The following NANP variants were observed in gnomAD, a reference collection of about 807,000 sequenced individuals.
NANP encodes the protein N-acetylneuraminic acid phosphatase.
Under a neutral mutation model 16.9 loss-of-function variants are expected in NANP, and 15 were observed. The ratio of observed to expected loss-of-function variants is 0.89; its 90% CI spans 0.59 to 1.37. NANP has a LOEUF of 1.37. Ranked by LOEUF, NANP falls within the 40% of genes most tolerant of loss-of-function variation. The probability of loss-of-function intolerance (pLI) is 0.00; values close to 1 mark genes in which losing one functional copy is unlikely to be tolerated. For missense variants in NANP, 290 were observed against 303.5 expected (o/e 0.96, Z 0.33); for synonymous variants, 135 against 112.6 (o/e 1.20, Z -1.26).
At chr20:25,616,616 C>T in intron 1 of NANP, 35 bp from the exon 2 acceptor site, 1 of 1,493,384 alleles carries the variant, frequency 6.7e-7, no homozygotes, top group South Asian at 1.3e-5. Flanking sequence ...TAACACATTG[C>T]ATGTCTTTAG....
chr20:25,621,578 G>A (rs2065364326), intron 1 of NANP, among the ~76,000 whole-genome samples: 2 of 152,050 alleles, frequency 1.3e-5, no homozygotes, highest in Non-Finnish European at 2.9e-5. Context: ...TTTTTGAGAC[G>A]GAGTCTGGCT....
Position 25,623,904 on chromosome 20 carries a change from G to T in NANP, c.45C>A (p.Asn15Lys), listed in dbSNP as rs371699917. 10 of 1,613,612 alleles carry T rather than the reference G, an allele frequency of 6.2e-6. No homozygotes were observed. Among genetic ancestry groups the T allele is most frequent in the Non-Finnish European group, 5.1e-6 (6 of 1,179,746 alleles). ...RVRAVFFDLD[N>K]TLIDTAGASR... ...TCGCCCCGGCCGTGTCGATGAGAGT[G>T]TTGTCCAAGTCAAAGAAAACCGCCC... Residue 15 changes from asparagine to lysine, a missense_variant, in exon 1 of 2, where the codon AAC becomes AAA. Physicochemically the swap from Asn to Lys is moderately conservative, Grantham distance 94. Coordinates refer to ENST00000304788, the MANE Select transcript of NANP (RefSeq NM_152667.3).
chr20:25,623,786 G>A (rs1600399868), intron 1 of NANP, 73 bp downstream of exon 1: 1 of 1,391,494 alleles, frequency 7.2e-7, no homozygotes, highest in Non-Finnish European at 9.9e-7. Flanking sequence ...TGGGGTCAAG[G>A]GGAGGTGAGC....
intron 1 of NANP, among the ~76,000 whole-genome samples, chr20:25,621,056 AG>A (rs1444440144): frequency 6.6e-6 from 1 of 152,142 alleles, no homozygotes; most frequent in Admixed American, 6.6e-5. Context: ...TGAAATCAAT[AG>A]GGATCCAGCA....
At position 25,616,600 on chromosome 20, in the gene NANP, C is replaced by G. The variant is rs6050712; in HGVS notation, c.91-19G>C. On this transcript the variant is annotated intron_variant, in intron 1 of 1. Transcript: ENST00000304788. The stretch of plus-strand genomic sequence containing the variant: ...TTATCACCTAAATAATGGAAAATAA[C>G]TCCATTAACACATTGCATGTCTTTA... The G allele has an allele frequency of 0.064, 98,875 of 1,534,664 alleles. 9,536 individuals are homozygous for G. Among genetic ancestry groups the G allele is most frequent in the African/African-American group, 0.45 (33,125 of 72,828 alleles).
In NANP at chr20:25,616,023, G is replaced by A. The variant is rs768227845; in HGVS notation, c.649C>T (p.Leu217=). ...VWINKNGIVP[L]KSSPVPHYMV... ...TAATGCGGAACTGGGGAGGACTTCA[G>A]TGGCACTATTCCATTTTTATTGATC... Residue 217 remains leucine, a synonymous_variant, in exon 2 of 2, where the codon CTG becomes TTG. Coordinates refer to ENST00000304788, the MANE Select transcript of NANP (RefSeq NM_152667.3). 5.6e-6 allele frequency: 9 copies of A among 1,614,226 alleles called. No homozygotes were observed. The highest frequency in any genetic ancestry group is 6.8e-6 in the Non-Finnish European group (8 of 1,180,028).
At chr20:25,620,203 G>C (rs1361429353) in intron 1 of NANP, among the ~76,000 whole-genome samples, 1 of 152,134 alleles carries the variant, frequency 6.6e-6, no homozygotes, top group Non-Finnish European at 1.5e-5. Flanking sequence ...TGGGAGTATT[G>C]ATTGAATTGG....
rs1208898803 is a variant in NANP at position 25,613,956 on chromosome 20, G to A, written c.*1969C>T. On this transcript the variant is annotated 3_prime_UTR_variant, in exon 2 of 2. Coordinates refer to ENST00000304788, the MANE Select transcript of NANP (RefSeq NM_152667.3). The stretch of plus-strand genomic sequence containing the variant: ...CCAATCTATCAGAGCAATCATGCAT[G>A]TGACTACTTCTGCCAAAATCCTCCA... The A allele has an allele frequency of 2.5e-6, 1 of 397,634 alleles. No homozygotes were observed. The highest frequency in any genetic ancestry group is 4.4e-6 in the Non-Finnish European group (1 of 225,658). 24.6% of individuals were successfully genotyped at this position (397,634 alleles called of 1,614,324 possible). A position where few individuals can be genotyped will look rare whatever the true frequency, so the allele number is the denominator to read the frequency against.
chr20:25,615,856 C>T lies in NANP; in HGVS notation c.*69G>A. 8 of 1,402,882 alleles carry T rather than the reference C, an allele frequency of 5.7e-6. No homozygotes were observed. The highest frequency in any genetic ancestry group is 7.8e-6 in the Non-Finnish European group (8 of 1,030,794). The allele number at this position is 1,402,882 out of a possible 1,614,324, so 86.9% of individuals were successfully genotyped here. On this transcript the variant is annotated 3_prime_UTR_variant, in exon 2 of 2. Transcript: ENST00000304788. ...GAGCTGGATTATCATAAGTGGAGTG[C>T]CCTAACTTTTCTTATTTCATACTCA...
chr20:25,622,510 T>C lies in NANP; in HGVS notation c.90+1349A>G, dbSNP rs758007410. Among the ~76,000 whole-genome samples, 10 of 152,198 alleles carry C rather than the reference T, an allele frequency of 6.6e-5. 1 individual carries two copies. The highest frequency in any genetic ancestry group is 1.3e-4 in the Non-Finnish European group (9 of 68,034). On this transcript the variant is annotated intron_variant, in intron 1 of 1. Transcript: ENST00000304788. Reference sequence around the variant, plus strand: ...GATTTTAAAGCCCAAACTCTGGGCCTACAGCAAGAATTGGCCTAAAGCAAT... The same window carrying C: ...GATTTTAAAGCCCAAACTCTGGGCCCACAGCAAGAATTGGCCTAAAGCAAT...
intron 1 of NANP, among the ~76,000 whole-genome samples, chr20:25,621,261 T>C (rs1234861300): frequency 6.6e-6 from 1 of 152,222 alleles, no homozygotes; most frequent in East Asian, 1.9e-4. Context: ...TTACCCTCTC[T>C]GCTTTTTCTA....
Position 25,614,569 on chromosome 20 carries a change from A to C in NANP, c.*1356T>G, listed in dbSNP as rs569484183. Reference sequence around the variant, plus strand: ...TGAATTAGATATAGAAATTTGCAAAACAATGATATATTTCCAAGAATGTGA... The same window carrying C: ...TGAATTAGATATAGAAATTTGCAAACCAATGATATATTTCCAAGAATGTGA... On this transcript the variant is annotated 3_prime_UTR_variant, in exon 2 of 2. Coordinates refer to ENST00000304788, the MANE Select transcript of NANP (RefSeq NM_152667.3). 111 of 152,310 alleles carry C rather than the reference A, an allele frequency of 7.3e-4. No homozygotes were observed. Among genetic ancestry groups the C allele is most frequent in the African/African-American group, 2.6e-3 (107 of 41,564 alleles). The allele number at this position is 152,310 out of a possible 1,614,324, so 9.4% of individuals were successfully genotyped here.
chr20:25,621,104 C>T (rs2065362866), intron 1 of NANP, among the ~76,000 whole-genome samples: 1 of 152,084 alleles, frequency 6.6e-6, no homozygotes, highest in South Asian at 2.1e-4. Flanking sequence ...AAACTATTAA[C>T]AATTTTAAAA....
intron 1 of NANP, among the ~76,000 whole-genome samples, chr20:25,618,481 A>G (rs1012862959): frequency 6.6e-6 from 1 of 152,184 alleles, no homozygotes; most frequent in Non-Finnish European, 1.5e-5. Flanking sequence ...CTGTTCACAG[A>G]TAGTTTGTGA....
Position 25,613,485 on chromosome 20 carries a change from G to T in NANP, c.*2440C>A, listed in dbSNP as rs2065330131. The T allele has an allele frequency of 5.3e-6, 1 of 186,974 alleles. No individual in the cohort carries two copies. Among genetic ancestry groups the T allele is most frequent in the African/African-American group, 2.3e-5 (1 of 42,878 alleles). 11.6% of individuals were successfully genotyped at this position (186,974 alleles called of 1,614,324 possible). A position where few individuals can be genotyped will look rare whatever the true frequency, so the allele number is the denominator to read the frequency against. On this transcript the variant is annotated 3_prime_UTR_variant, in exon 2 of 2. Coordinates refer to ENST00000304788, the MANE Select transcript of NANP (RefSeq NM_152667.3). The stretch of plus-strand genomic sequence containing the variant: ...AGGGAGGGCCTCTGGCTTTGTGTGA[G>T]AAGGCCACTACAGGGAAACTTTGAA...
In NANP at chr20:25,616,419, C is replaced by CAA; in HGVS notation, c.252_253insTT (p.Gly85LeufsTer25). 2 of 1,614,150 alleles carry CAA rather than the reference C, an allele frequency of 1.2e-6. No homozygotes were observed. The highest frequency in any genetic ancestry group is 1.7e-6 in the Non-Finnish European group (2 of 1,180,020). The stretch of plus-strand genomic sequence containing the variant: ...GCCAATTTTCTATTGGCTGCACCAC[C>CAA]TTTTGTTTCCTGGATTGCTTCTTCC... On this transcript the variant is annotated frameshift_variant, in exon 2 of 2. Coordinates refer to ENST00000304788, the MANE Select transcript of NANP (RefSeq NM_152667.3). LOFTEE classifies it high-confidence loss of function.
At chr20:25,619,537 A>G (rs954039024) in intron 1 of NANP, among the ~76,000 whole-genome samples, 8 of 152,266 alleles carry the variant, frequency 5.3e-5, no homozygotes, top group Admixed American at 2.0e-4. Flanking sequence ...CATTAAGAAA[A>G]ATCTTATCTG....
rs749079703 is a variant in NANP at position 25,616,209 on chromosome 20, C to T, written c.463G>A (p.Val155Ile). ...CACQSYFDAV[V>I]VGGEQREEKP... is the part of the protein sequence containing the mutation. ...TCCTCTCTCTGCTCTCCACCTACAA[C>T]AACAGCGTCAAAATAGGACTGACAG... Residue 155 changes from valine (V) to isoleucine (I), a missense_variant, in exon 2 of 2, where the codon GTT (valine) becomes ATT (isoleucine). Transcript: ENST00000304788. The T allele has an allele frequency of 5.0e-6, 8 of 1,614,172 alleles. No homozygotes were observed. Among genetic ancestry groups the T allele is most frequent in the Non-Finnish European group, 4.2e-6 (5 of 1,180,042 alleles).
At chr20:25,618,685 T>C (rs140111814) in intron 1 of NANP, among the ~76,000 whole-genome samples, 144 of 152,206 alleles carry the variant, frequency 9.5e-4, no homozygotes, top group Non-Finnish European at 1.8e-3. Flanking sequence ...TCAACAAATG[T>C]AGGGCAGAAA....
Sources: allele counts gnomAD v4.1 joint callset (sites outside exome capture counted in the v4.1 genomes callset), GRCh38; gene constraint gnomAD v4.1.1; transcripts MANE v1.5; gene names NCBI Gene and HGNC (gene_info 2026-07-23, HGNC 2026-07-21).